The following TENM2 variants were observed in gnomAD, a reference collection of about 807,000 sequenced individuals.
TENM2 encodes teneurin transmembrane protein 2.
In TENM2, 52 loss-of-function variants were observed where a neutral mutation model predicts 245.2. The ratio of observed to expected loss-of-function variants is 0.21; its 90% CI spans 0.17 to 0.27. TENM2 has a LOEUF of 0.27. Ranked by LOEUF, TENM2 falls within the 10% of genes least tolerant of loss-of-function variation. The probability of loss-of-function intolerance (pLI) is 1.00; values close to 1 mark genes in which losing one functional copy is unlikely to be tolerated. For missense variants in TENM2, 3,046 were observed against 3,666.8 expected (o/e 0.83, Z 4.37); for synonymous variants, 1,363 against 1,438.9 (o/e 0.95, Z 1.19).
In TENM2 at chr5:167,452,974, A is replaced by C. The variant is rs1194846712; in HGVS notation, c.502+77501A>C. ...ATATATATATATATTTAAAAAAAAA[A>C]ACACTGGTATGGCAGCTGTAGACAT... On this transcript the variant is annotated intron_variant, in intron 2 of 28. Transcript: ENST00000518659. Among the ~76,000 whole-genome samples the C allele has an allele frequency of 4.0e-3, 231 of 58,158 alleles. 5 individuals are homozygous for C. Among genetic ancestry groups the C allele is most frequent in the African/African-American group, 0.013 (215 of 16,582 alleles). The allele number at this position is 58,158 out of a possible 152,430, so 38.2% of individuals were successfully genotyped here.
intron 2 of TENM2, among the ~76,000 whole-genome samples, chr5:167,522,327 ACAGT>A (rs1770813451): frequency 6.6e-6 from 1 of 152,162 alleles, no homozygotes; most frequent in South Asian, 2.1e-4. Context: ...AATGGAACTC[ACAGT>A]CAGCCTTATT....
rs147208935 is a variant in TENM2 at position 167,853,450 on chromosome 5, C to T, written c.503-22536C>T. Among the ~76,000 whole-genome samples, 790 of 152,086 alleles carry T rather than the reference C, an allele frequency of 5.2e-3. 3 individuals are homozygous for T. Among genetic ancestry groups the T allele is most frequent in the Non-Finnish European group, 9.1e-3 (622 of 68,008 alleles). On this transcript the variant is annotated intron_variant, in intron 2 of 28. Transcript: ENST00000518659. ...TTAAATAAATAAGGTTCTGTGACCC[C>T]GTGGGAGCTTACAGGGGTGAGACAT...
At chr5:167,244,584 G>A in the TENM2 span, among the ~76,000 whole-genome samples, 2 of 152,298 alleles carry the variant, frequency 1.3e-5, no homozygotes, top group South Asian at 2.1e-4. Context: ...GAAGTGAGGA[G>A]GCCAAGAGGC....
the TENM2 span, among the ~76,000 whole-genome samples, chr5:167,014,842 C>T: frequency 6.6e-6 from 1 of 152,212 alleles, no homozygotes; most frequent in African/African-American, 2.4e-5. Flanking sequence ...GACATTTCAC[C>T]TTTTGCCCTA....
At chr5:167,449,820 T>C (rs1179316712) in intron 2 of TENM2, among the ~76,000 whole-genome samples, 4 of 152,128 alleles carry the variant, frequency 2.6e-5, no homozygotes, top group African/African-American at 9.7e-5. Flanking sequence ...GAGCCATGCA[T>C]AGTGGCGCGT....
Position 167,630,543 on chromosome 5 carries a change from C to T in TENM2, c.503-245443C>T, listed in dbSNP as rs137990149. 4.0e-4 allele frequency among the ~76,000 whole-genome samples: 61 copies of T among 152,186 alleles called. No homozygotes were observed. In the East Asian group the frequency reaches 4.6e-3, roughly 12 times the overall value. On this transcript the variant is annotated intron_variant, in intron 2 of 28. Transcript: ENST00000518659. ...TTGAGCACAGGTAACTGAAACTGCA[C>T]GAAGTGAAATTGCCGCAAATAAGGG...
At chr5:167,642,551 G>A (rs1034190755) in intron 2 of TENM2, among the ~76,000 whole-genome samples, 1 of 152,024 alleles carries the variant, frequency 6.6e-6, no homozygotes, top group Non-Finnish European at 1.5e-5. Flanking sequence ...ACACTCATGC[G>A]CACTAAACTG....
At chr5:167,752,258 C>A (rs1762007918) in intron 2 of TENM2, among the ~76,000 whole-genome samples, 1 of 141,154 alleles carries the variant, frequency 7.1e-6, no homozygotes, top group African/African-American at 2.6e-5. Context: ...CCATGCCCAG[C>A]TAATTTTTTT....
the TENM2 span, among the ~76,000 whole-genome samples, chr5:167,121,380 TG>T: frequency 6.6e-6 from 1 of 152,084 alleles, no homozygotes; most frequent in Admixed American, 6.6e-5. Flanking sequence ...TGAACTTGAA[TG>T]AGAAGAAAGA....
At chr5:167,346,426 CAT>C (rs1446267115) in intron 1 of TENM2, among the ~76,000 whole-genome samples, 3 of 152,166 alleles carry the variant, frequency 2.0e-5, no homozygotes, top group Admixed American at 6.5e-5. Flanking sequence ...TATTAATAAA[CAT>C]ATGATTTATC....
chr5:167,458,755 C>T (rs113203501), intron 2 of TENM2, among the ~76,000 whole-genome samples: 1 of 152,188 alleles, frequency 6.6e-6, no homozygotes, highest in South Asian at 2.1e-4. Context: ...CTTACAACAC[C>T]TCTATGAAGA....
At chr5:168,032,572 G>A (rs544299774) in intron 5 of TENM2, among the ~76,000 whole-genome samples, 4 of 151,882 alleles carry the variant, frequency 2.6e-5, no homozygotes, top group South Asian at 2.1e-4. Flanking sequence ...GAGAAGGACC[G>A]ATCCCATAGG....
In TENM2 at chr5:168,072,814, C is replaced by G. The variant is rs892300180; in HGVS notation, c.1515+10549C>G. Among the ~76,000 whole-genome samples the G allele has an allele frequency of 2.6e-5, 4 of 152,186 alleles. No individual in the cohort carries two copies. The South Asian group carries it at 8.3e-4, about 32-fold the overall frequency. The stretch of plus-strand genomic sequence containing the variant: ...TGAATCAATCAATCTAACTGGCCTA[C>G]AACACTTATAGCGCACTCTCAGGTA... On this transcript the variant is annotated intron_variant, in intron 7 of 28. Coordinates refer to ENST00000518659, the Ensembl canonical transcript of TENM2.
chr5:168,142,228 T>C (rs1439436293), intron 12 of TENM2, among the ~76,000 whole-genome samples: 1 of 152,242 alleles, frequency 6.6e-6, no homozygotes, highest in East Asian at 1.9e-4. Context: ...CTAGAGTTTC[T>C]ACTTTCGGCC....
the TENM2 span, among the ~76,000 whole-genome samples, chr5:167,053,844 T>C: frequency 2.0e-5 from 3 of 152,200 alleles, no homozygotes; most frequent in Non-Finnish European, 4.4e-5. Context: ...TTTCCAGGTA[T>C]AGCCCTTTAT....
rs369392117 is a variant in TENM2 at position 167,300,226 on chromosome 5, G to A, written c.226+15163G>A. On this transcript the variant is annotated intron_variant, in intron 1 of 28. Transcript: ENST00000518659. ...CGTGTGTTTTTATGAGAATTATGCC[G>A]AGATGGGTAACAGATGAGGATGAAA... Among the ~76,000 whole-genome samples, 320 of 152,302 alleles carry A rather than the reference G, an allele frequency of 2.1e-3. 3 individuals are homozygous for A. Among genetic ancestry groups the A allele is most frequent in the Admixed American group, 6.4e-3 (98 of 15,306 alleles).
chr5:167,966,228 A>G (rs1781378715), intron 4 of TENM2, among the ~76,000 whole-genome samples: 1 of 152,222 alleles, frequency 6.6e-6, no homozygotes, highest in African/African-American at 2.4e-5. Flanking sequence ...ATTATAAAAT[A>G]TGAGTGCAGA....
At position 168,194,603 on chromosome 5, in the gene TENM2, G is replaced by A. The variant is rs372355472; in HGVS notation, c.2781-573G>A. On this transcript the variant is annotated intron_variant, in intron 14 of 28. Coordinates refer to ENST00000518659, the Ensembl canonical transcript of TENM2. The stretch of plus-strand genomic sequence containing the variant: ...ATTTTTATTGAATGTGTATATTGAA[G>A]GGTTTTGCTATATATATCTCCAAAG... Among the ~76,000 whole-genome samples the A allele has an allele frequency of 4.2e-4, 64 of 152,204 alleles. 3 individuals carry two copies. The South Asian group carries it at 0.012, about 30-fold the overall frequency.
intron 1 of TENM2, among the ~76,000 whole-genome samples, chr5:167,370,291 G>A (rs1229731635): frequency 1.9e-4 from 26 of 135,240 alleles, no homozygotes. Context: ...GCAGTGAGCC[G>A]AGATAACGCC....
Sources: allele counts gnomAD v4.1 joint callset (sites outside exome capture counted in the v4.1 genomes callset), GRCh38; gene constraint gnomAD v4.1.1; transcripts MANE v1.5; gene names NCBI Gene and HGNC (gene_info 2026-07-23, HGNC 2026-07-21).